The following MYO15B variants were observed in gnomAD, a reference collection of about 807,000 sequenced individuals.
MYO15B encodes the protein myosin XVB pseudogene.
MYO15B carries 207 observed loss-of-function variants against 119.3 expected under a neutral mutation model. The observed-to-expected ratio is 1.73, with a 90% CI of 1.55 to 1.95. The LOEUF is 1.95. Among genes scored for constraint, MYO15B ranks in the 30% most tolerant of loss-of-function variants. MYO15B has a pLI of 0.00. For synonymous variants in MYO15B, 966 were observed against 498.9 expected (o/e 1.94, Z -12.48); for missense variants, 2,264 against 1,203.1 (o/e 1.88, Z -13.04).
At chr17:75,603,734 G>A (rs1431351906) in intron 19 of MYO15B, among the ~76,000 whole-genome samples, 2 of 151,952 alleles carry the variant, frequency 1.3e-5, no homozygotes, top group Non-Finnish European at 2.9e-5. Flanking sequence ...GGGGAGGGGC[G>A]GGGTGGCACA....
In MYO15B at chr17:75,610,920, G is replaced by A; in HGVS notation, c.4407G>A (p.Trp1469Ter). 1 of 703,078 alleles carries A rather than the reference G, an allele frequency of 1.4e-6. No homozygotes were observed. The highest frequency in any genetic ancestry group is 2.6e-6 in the Non-Finnish European group (1 of 385,006). The allele number at this position is 703,078 out of a possible 1,614,324, so 43.6% of individuals were successfully genotyped here. Residue 1469 changes from tryptophan (W) to a stop codon, truncating the protein, a stop_gained, in exon 23 of 64, where the codon TGG becomes TGA. Coordinates refer to ENST00000645453, the Ensembl canonical transcript of MYO15B. LOFTEE classifies it high-confidence loss of function. ...AACAGCTTGGGCGTTGGCAGGGCTG[G>A]CATAGCAGCGAAAGGGCCTTGGAGA...
At chr17:75,594,961 T>A (rs1230620326) in exon 12 of MYO15B, 1 of 702,928 alleles carries the variant, frequency 1.4e-6, no homozygotes, top group Non-Finnish European at 2.6e-6. Context: ...CGTGGATGCC[T>A]ACGGCTTTGA....
chr17:75,617,878 T>G (rs1032408829), exon 42 of MYO15B: 1 of 702,862 alleles, frequency 1.4e-6, no homozygotes, highest in African/African-American at 1.7e-5. Flanking sequence ...CAGCGTGTGC[T>G]TCTCCTACAC....
In MYO15B at chr17:75,602,063, G is replaced by A. The variant is rs573366297; in HGVS notation, c.3652-454G>A. ...GGAGAGGAACTGGGGGTGGGGGAGC[G>A]GGGGCTGGAATAAAGGGAAGGGCAG... On this transcript the variant is annotated intron_variant, in intron 15 of 63. Coordinates refer to ENST00000645453, the Ensembl canonical transcript of MYO15B. Among the ~76,000 whole-genome samples, 7 of 152,192 alleles carry A rather than the reference G, an allele frequency of 4.6e-5. No homozygotes were observed. In the South Asian group the frequency reaches 1.2e-3, roughly 27 times the overall value.
At chr17:75,613,367 C>T (rs1007286157) in exon 28 of MYO15B, 4 of 673,150 alleles carry the variant, frequency 5.9e-6, no homozygotes, top group African/African-American at 1.8e-5. Flanking sequence ...TTGGAGCAGT[C>T]GCAGCTGGCC....
At chr17:75,592,046 C>T (rs572916492) in exon 6 of MYO15B, 64 of 702,872 alleles carry the variant, frequency 9.1e-5, no homozygotes, top group African/African-American at 8.9e-4. Flanking sequence ...CAATGCCAGC[C>T]GCTTCGGCCA....
At chr17:75,604,601 G>A in intron 19 of MYO15B, among the ~76,000 whole-genome samples, 1 of 147,844 alleles carries the variant, frequency 6.8e-6, no homozygotes, top group Non-Finnish European at 1.5e-5. Context: ...GGGTGGCGAG[G>A]AGACGAAGGC....
At chr17:75,592,701 G>A in exon 9 of MYO15B, 2 of 701,480 alleles carry the variant, frequency 2.9e-6, no homozygotes. Context: ...AGGCTGCAAG[G>A]CAAGGAGGAT....
chr17:75,592,333 A>C (rs967329674), intron 7 of MYO15B, 32 bp downstream of exon 7: 2 of 702,024 alleles, frequency 2.8e-6, no homozygotes, highest in African/African-American at 3.5e-5. Flanking sequence ...ACCCCTGCCC[A>C]GTTCCCAGAG....
At chr17:75,600,890 C>G (rs2057235039) in intron 14 of MYO15B, among the ~76,000 whole-genome samples, 1 of 139,740 alleles carries the variant, frequency 7.2e-6, no homozygotes, top group African/African-American at 2.7e-5. Flanking sequence ...CTAGCCCCAC[C>G]CAGCTAATTT....
rs1217162601 is a variant in MYO15B, at chr17:75,613,736, G to A, written c.5178G>A (p.Trp1726Ter). 1.7e-5 allele frequency: 12 copies of A among 702,424 alleles called. No individual in the cohort carries two copies. The Admixed American group carries it at 2.2e-4, about 13-fold the overall frequency. 43.5% of individuals were successfully genotyped at this position (702,424 alleles called of 1,614,324 possible). A position where few individuals can be genotyped will look rare whatever the true frequency, so the allele number is the denominator to read the frequency against. Residue 1726 changes from tryptophan to a stop codon, truncating the protein, a stop_gained, in exon 29 of 64, where the codon TGG becomes TGA. Transcript: ENST00000645453. LOFTEE classifies it high-confidence loss of function. ...GCTACTCGGCCGAGGTGGAGTCTTG[G>A]ACCACCGGGGAGCAGCTGGCTGGGT...
chr17:75,606,843 G>C (rs1052394615), intron 21 of MYO15B: 2 of 396,508 alleles, frequency 5.0e-6, no homozygotes, highest in Admixed American at 4.4e-5. Context: ...ATTTAGGCCA[G>C]ACTTTTACCC....
exon 48 of MYO15B, chr17:75,620,304 G>A: frequency 1.4e-6 from 1 of 703,036 alleles, no homozygotes; most frequent in Non-Finnish European, 2.6e-6. Context: ...AGCCTCCTCA[G>A]CTTCCACCGT....
intron 53 of MYO15B, among the ~76,000 whole-genome samples, chr17:75,623,272 C>G (rs1031134923): frequency 6.6e-6 from 1 of 151,848 alleles, no homozygotes; most frequent in African/African-American, 2.4e-5. Context: ...TTGCAGTGAG[C>G]CAAGATGGCA....
At chr17:75,624,305 C>A in intron 56 of MYO15B, 36 bp downstream of exon 56, 1 of 702,760 alleles carries the variant, frequency 1.4e-6, no homozygotes, top group South Asian at 1.5e-5. Context: ...GTGGGACACC[C>A]TGGGGTGGGG....
rs62089224 is a variant in MYO15B, at chr17:75,589,899, C to G, written c.1842C>G (p.Ser614=). The stretch of plus-strand genomic sequence containing the variant: ...CCCCGACTGCACCCGACGGGCCTTC[C>G]CTCGACGAGAGCGGCTCCAGCAGTG... The change falls in exon 1 of 64, where the codon TCC becomes TCG. Residue 614 remains serine, a synonymous_variant. Transcript: ENST00000645453. The surrounding 1 kb of genome is among the most constrained non-coding windows in gnomAD (Gnocchi z 4.2). 34,652 of 398,558 alleles carry G rather than the reference C, an allele frequency of 0.087. 1,682 individuals carry two copies. The highest frequency in any genetic ancestry group is 0.15 in the Middle Eastern group (240 of 1,588). 24.7% of individuals were successfully genotyped at this position (398,558 alleles called of 1,614,324 possible). A position where few individuals can be genotyped will look rare whatever the true frequency, so the allele number is the denominator to read the frequency against.
intron 19 of MYO15B, 58 bp downstream of exon 19, chr17:75,603,370 GC>G: frequency 1.4e-6 from 1 of 691,998 alleles, no homozygotes. Context: ...GTGACTGGCA[GC>G]CCCGGGGGTC....
chr17:75,591,435 T>C, intron 4 of MYO15B, 166 bp from the exon 5 acceptor site: 1 of 616,998 alleles, frequency 1.6e-6, no homozygotes, highest in Non-Finnish European at 2.9e-6. Context: ...TTGGGGACTT[T>C]TTCTTTTCTG....
chr17:75,596,873 C>T lies in MYO15B; in HGVS notation c.3499C>T (p.Leu1167=), dbSNP rs919881096. Residue 1167 remains leucine (L), a synonymous_variant, in exon 14 of 64, where the codon CTG becomes TTG. Transcript: ENST00000645453. Reference sequence around the variant, plus strand: ...TCAGCCCCACAGCCTCCTGAGTATCCTGGACGCCCAGACATGGCTGTCCCA... The same window carrying T: ...TCAGCCCCACAGCCTCCTGAGTATCTTGGACGCCCAGACATGGCTGTCCCA... The T allele has an allele frequency of 4.0e-5, 28 of 702,560 alleles. No individual in the cohort carries two copies. The African/African-American group carries it at 4.0e-4, about 10-fold the overall frequency. 43.5% of individuals were successfully genotyped at this position (702,560 alleles called of 1,614,324 possible). A position where few individuals can be genotyped will look rare whatever the true frequency, so the allele number is the denominator to read the frequency against.
Sources: gnomAD v4.1 joint callset for allele counts (sites outside exome capture counted in the v4.1 genomes callset) on GRCh38, gnomAD v4.1.1 for gene constraint, Gnocchi (gnomAD v3.1) non-coding constraint, MANE v1.5 for transcripts, NCBI Gene and HGNC (gene_info 2026-07-23, HGNC 2026-07-21) for gene names.